The following CNBD1 variants were observed in gnomAD, a reference collection of about 807,000 sequenced individuals.
CNBD1 encodes the protein cyclic nucleotide-binding domain-containing protein 1.
In CNBD1, 71 loss-of-function variants were observed where a neutral mutation model predicts 54.4. That is an observed-to-expected ratio of 1.30 (90% CI 1.08 to 1.59). The LOEUF is 1.59. Among genes scored for constraint, CNBD1 ranks in the 40% most tolerant of loss-of-function variants. The pLI, the probability that CNBD1 is intolerant of heterozygous loss-of-function variation, is 0.00. For synonymous variants in CNBD1, 182 were observed against 170.7 expected (o/e 1.07, Z -0.51); for missense variants, 659 against 518.0 (o/e 1.27, Z -2.64).
intron 2 of CNBD1, among the ~76,000 whole-genome samples, chr8:87,426,468 A>T (rs1225112170): frequency 6.6e-6 from 1 of 152,244 alleles, no homozygotes; most frequent in East Asian, 1.9e-4. Context: ...ACAGTTTCAC[A>T]ACCATAAAAT....
Position 86,924,820 on chromosome 8 carries a change from T to C in CNBD1, c.273-14776T>C, listed in dbSNP as rs935318934. Among the ~76,000 whole-genome samples the C allele has an allele frequency of 2.0e-5, 3 of 152,338 alleles. No individual in the cohort carries two copies. In the East Asian group the frequency reaches 5.8e-4, roughly 29 times the overall value. On this transcript the variant is annotated intron_variant, in intron 3 of 10. Transcript: ENST00000518476. The stretch of plus-strand genomic sequence containing the variant: ...CTTAGGAAGTAAATCTGTATCGTAA[T>C]AATCATCTCTGAACAAGTTGACTTT...
At chr8:87,128,364 C>G (rs1156985709) in intron 4 of CNBD1, among the ~76,000 whole-genome samples, 1 of 152,182 alleles carries the variant, frequency 6.6e-6, no homozygotes, top group Non-Finnish European at 1.5e-5. Context: ...CTCAGGGGCA[C>G]ACACCTTAGC....
At chr8:87,171,592 A>G (rs990554561) in intron 4 of CNBD1, among the ~76,000 whole-genome samples, 1 of 151,304 alleles carries the variant, frequency 6.6e-6, no homozygotes, top group African/African-American at 2.4e-5. Context: ...GTTCTTTAAG[A>G]TACATCACTA....
chr8:87,311,132 A>T (rs1471270753), intron 8 of CNBD1, among the ~76,000 whole-genome samples: 1 of 152,146 alleles, frequency 6.6e-6, no homozygotes. Flanking sequence ...GCTTCTGCAC[A>T]ACAAAAGAAA....
At chr8:86,956,977 A>T (rs1685226798) in intron 4 of CNBD1, among the ~76,000 whole-genome samples, 1 of 152,198 alleles carries the variant, frequency 6.6e-6, no homozygotes, top group African/African-American at 2.4e-5. Flanking sequence ...TGTCATAAAT[A>T]GCTCTTATTA....
chr8:87,099,383 T>C (rs1586255607), intron 4 of CNBD1, among the ~76,000 whole-genome samples: 1 of 152,102 alleles, frequency 6.6e-6, no homozygotes, highest in Non-Finnish European at 1.5e-5. Flanking sequence ...TTTTGGCGGG[T>C]AAATAATATT....
chr8:87,133,864 G>A (rs570057970), intron 4 of CNBD1, among the ~76,000 whole-genome samples: 4 of 152,134 alleles, frequency 2.6e-5, no homozygotes, highest in African/African-American at 9.6e-5. Flanking sequence ...TATTTGTTGC[G>A]TGTAATTTAA....
chr8:87,426,282 C>T (rs570916558), intron 2 of CNBD1, among the ~76,000 whole-genome samples: 111 of 152,284 alleles, frequency 7.3e-4, no homozygotes, highest in Non-Finnish European at 1.2e-3. Flanking sequence ...CCGTCTTCTG[C>T]GTCGCTCAGG....
At chr8:87,121,743 A>G (rs1811894803) in intron 4 of CNBD1, among the ~76,000 whole-genome samples, 1 of 151,686 alleles carries the variant, frequency 6.6e-6, no homozygotes, top group Admixed American at 6.6e-5. Flanking sequence ...CTTAGATTTC[A>G]CATATAAGTA....
chr8:87,238,647 A>G (rs565714240), intron 6 of CNBD1, among the ~76,000 whole-genome samples: 13 of 152,188 alleles, frequency 8.5e-5, no homozygotes, highest in South Asian at 4.1e-4. Context: ...ATTTATATCT[A>G]TGTGCATATC....
intron 4 of CNBD1, among the ~76,000 whole-genome samples, chr8:87,063,138 T>G (rs1810579689): frequency 6.6e-6 from 1 of 152,158 alleles, no homozygotes; most frequent in African/African-American, 2.4e-5. Flanking sequence ...AAAGTAACCA[T>G]ATGGTGGGTA....
chr8:87,160,005 C>T (rs1011203075), intron 4 of CNBD1, among the ~76,000 whole-genome samples: 1 of 151,800 alleles, frequency 6.6e-6, no homozygotes, highest in African/African-American at 2.4e-5. Flanking sequence ...AGGATGAAGC[C>T]TCATATCTGA....
rs180985377 is a variant in CNBD1 at position 87,307,118 on chromosome 8, A to G, written c.1042+20447A>G. 4.6e-3 allele frequency among the ~76,000 whole-genome samples: 696 copies of G among 152,308 alleles called. 4 individuals carry two copies. Among genetic ancestry groups the G allele is most frequent in the South Asian group, 0.01 (50 of 4,828 alleles). The stretch of plus-strand genomic sequence containing the variant: ...TATTATTTTGCAACTCAATGTTTAG[A>G]TCTTTCTAACAGATTCGTCTTAGAT... On this transcript the variant is annotated intron_variant, in intron 8 of 10. Transcript: ENST00000518476.
intron 3 of CNBD1, among the ~76,000 whole-genome samples, chr8:86,931,614 T>C (rs1015592110): frequency 6.6e-6 from 1 of 152,174 alleles, no homozygotes; most frequent in African/African-American, 2.4e-5. Context: ...GGCCTTTCTC[T>C]TATCTTGCTT....
At chr8:87,323,586 T>A (rs1257395259) in intron 8 of CNBD1, among the ~76,000 whole-genome samples, 1 of 125,216 alleles carries the variant, frequency 8.0e-6, no homozygotes, top group African/African-American at 2.9e-5. Flanking sequence ...AGTTCACTCA[T>A]GATTTGGCTC....
intron 4 of CNBD1, among the ~76,000 whole-genome samples, chr8:87,110,152 A>G (rs1401509415): frequency 6.6e-6 from 1 of 152,138 alleles, no homozygotes; most frequent in Admixed American, 6.5e-5. Flanking sequence ...CCTCAGGGGC[A>G]CCCTGAGTGA....
intron 4 of CNBD1, among the ~76,000 whole-genome samples, chr8:86,994,408 G>A (rs1808823841): frequency 2.0e-5 from 3 of 152,344 alleles, no homozygotes; most frequent in African/African-American, 7.2e-5. Context: ...CAGCCCCACT[G>A]TCTCCTGGCC....
chr8:87,373,661 A>G (rs2878868), intron 10 of CNBD1, among the ~76,000 whole-genome samples: 2,875 of 151,924 alleles, frequency 0.019, 93 homozygotes, highest in African/African-American at 0.063. Flanking sequence ...ATTACAATAA[A>G]TGTTGGCTTA....
chr8:87,076,516 C>T (rs1810876220), intron 4 of CNBD1, among the ~76,000 whole-genome samples: 1 of 151,854 alleles, frequency 6.6e-6, no homozygotes, highest in African/African-American at 2.4e-5. Flanking sequence ...GATCTTGGCT[C>T]ACTGCAACCT....
Sources: allele counts gnomAD v4.1 joint callset (sites outside exome capture counted in the v4.1 genomes callset), GRCh38; gene constraint gnomAD v4.1.1; transcripts MANE v1.5; gene names NCBI Gene and HGNC (gene_info 2026-07-23, HGNC 2026-07-21).